The following PIEZO2 variants were observed in gnomAD, a reference collection of about 807,000 sequenced individuals.
PIEZO2 encodes piezo-type mechanosensitive ion channel component 2.
PIEZO2 carries 172 observed loss-of-function variants against 337.3 expected under a neutral mutation model. The observed-to-expected ratio is 0.51, with a 90% CI of 0.45 to 0.58. The LOEUF (loss-of-function observed/expected upper bound fraction) is 0.58. Ranked by LOEUF, PIEZO2 falls within the 20% of genes least tolerant of loss-of-function variation. PIEZO2 has a pLI of 0.00. For missense variants in PIEZO2, 3,028 were observed against 3,391.3 expected (o/e 0.89, Z 2.66); for synonymous variants, 1,251 against 1,228.5 (o/e 1.02, Z -0.38).
At chr18:10,913,550 A>C (rs1011779108) in intron 3 of PIEZO2, among the ~76,000 whole-genome samples, 1 of 152,134 alleles carries the variant, frequency 6.6e-6, no homozygotes, top group Admixed American at 6.5e-5. Flanking sequence ...TAATAGGTTC[A>C]ATTACTTTTC....
At chr18:10,832,820 T>C (rs1047198812) in intron 7 of PIEZO2, among the ~76,000 whole-genome samples, 2 of 152,248 alleles carry the variant, frequency 1.3e-5, no homozygotes, top group East Asian at 3.9e-4. Context: ...ACATTCCGGG[T>C]TCCCAAGTCA....
chr18:11,054,490 CT>C, intron 2 of PIEZO2, among the ~76,000 whole-genome samples: 1 of 152,372 alleles, frequency 6.6e-6, no homozygotes, highest in South Asian at 2.1e-4. Flanking sequence ...CAAATATTTA[CT>C]GAACGAACGC....
chr18:10,785,403 A>G (rs2039182972), intron 16 of PIEZO2, among the ~76,000 whole-genome samples: 1 of 152,196 alleles, frequency 6.6e-6, no homozygotes, highest in Admixed American at 6.5e-5. Context: ...TCCTTACACC[A>G]AGGACTCAAA....
intron 2 of PIEZO2, among the ~76,000 whole-genome samples, chr18:11,050,323 T>C (rs1433435592): frequency 6.6e-6 from 1 of 152,160 alleles, no homozygotes; most frequent in Admixed American, 6.6e-5. Context: ...ATAAGCACTG[T>C]TTTTAACCAA....
Position 10,689,808 on chromosome 18 carries a change from A to C in PIEZO2, c.7350-6T>G, listed in dbSNP as rs1341102218. The C allele has an allele frequency of 6.2e-7, 1 of 1,603,534 alleles. No homozygotes were observed. The highest frequency in any genetic ancestry group is 8.5e-7 in the Non-Finnish European group (1 of 1,174,052). ...AAAAGGGCACGAGGCGAAACCTGGC[A>C]GGAAACACATCTCGTCAGAGAGACA... is the stretch of plus-strand genomic sequence containing the variant. On this transcript the variant is annotated splice_polypyrimidine_tract_variant and splice_region_variant and intron_variant, in intron 48 of 55. Coordinates refer to ENST00000674853, the MANE Select transcript of PIEZO2 (RefSeq NM_001378183.1).
chr18:10,746,694 T>A lies in PIEZO2; in HGVS notation c.4424+1777A>T, dbSNP rs1323130339. On this transcript the variant is annotated intron_variant, in intron 30 of 55. Coordinates refer to ENST00000674853, the MANE Select transcript of PIEZO2 (RefSeq NM_001378183.1). This position sits in a 1 kb window ranked among gnomAD's most constrained non-coding sequence, Gnocchi z 4.2. ...AGAGCCCTCATGAATGGGATTACTA[T>A]CTTTATAAAAGAAGCCCAAGGGGGG... Among the ~76,000 whole-genome samples, 1 of 152,116 alleles carries A rather than the reference T, an allele frequency of 6.6e-6. No homozygotes were observed. The highest frequency in any genetic ancestry group is 1.5e-5 in the Non-Finnish European group (1 of 68,020).
At chr18:10,749,653 T>C (rs1458118513) in intron 29 of PIEZO2, among the ~76,000 whole-genome samples, 1 of 152,136 alleles carries the variant, frequency 6.6e-6, no homozygotes, top group Non-Finnish European at 1.5e-5. Context: ...GAAATCCTCA[T>C]GCTCCTCCCT....
In PIEZO2 at chr18:11,105,550, G is replaced by A. The variant is rs529358828; in HGVS notation, c.65-39328C>T. 1.3e-5 allele frequency among the ~76,000 whole-genome samples: 2 copies of A among 152,040 alleles called. No individual in the cohort carries two copies. Among genetic ancestry groups the A allele is most frequent in the East Asian group, 3.9e-4 (2 of 5,144 alleles). The stretch of plus-strand genomic sequence containing the variant: ...TATGAGCTCAGAAAGCTTTAGGTGT[G>A]GGGTTTTGACGAAATGAACATACTC... On this transcript the variant is annotated intron_variant, in intron 1 of 55. Coordinates refer to ENST00000674853, the MANE Select transcript of PIEZO2 (RefSeq NM_001378183.1). This position sits in a 1 kb window ranked among gnomAD's most constrained non-coding sequence, Gnocchi z 4.3.
Position 11,021,580 on chromosome 18 carries a change from C to T in PIEZO2, c.161-41920G>A, listed in dbSNP as rs567345055. Among the ~76,000 whole-genome samples the T allele has an allele frequency of 2.6e-5, 4 of 152,310 alleles. No individual in the cohort carries two copies. The East Asian group carries it at 7.7e-4, about 29-fold the overall frequency. On this transcript the variant is annotated intron_variant, in intron 2 of 55. Coordinates refer to ENST00000674853, the MANE Select transcript of PIEZO2 (RefSeq NM_001378183.1). This position sits in a 1 kb window ranked among gnomAD's most constrained non-coding sequence, Gnocchi z 4.7. ...GTGAATTCGTGAGGAGGAACACAGT[C>T]ACCATCGTGAATGAAAACCACCAAG...
chr18:11,091,756 G>C (rs1480369539), intron 1 of PIEZO2, among the ~76,000 whole-genome samples: 2 of 152,152 alleles, frequency 1.3e-5, no homozygotes, highest in Non-Finnish European at 2.9e-5. Flanking sequence ...GTTTTTATTG[G>C]AAATATGTTC....
At chr18:10,898,238 G>C (rs2042953533) in intron 4 of PIEZO2, among the ~76,000 whole-genome samples, 1 of 152,126 alleles carries the variant, frequency 6.6e-6, no homozygotes, top group African/African-American at 2.4e-5. Flanking sequence ...TGGCTAACAT[G>C]ATGAAACCCC....
At chr18:10,738,892 A>C (rs1450924538) in intron 33 of PIEZO2, 1 of 152,222 alleles carries the variant, frequency 6.6e-6, no homozygotes, top group Non-Finnish European at 1.5e-5. Context: ...GGAAGTAGGA[A>C]ATCTGTCCCT....
At chr18:10,922,466 G>A (rs1426882972) in intron 3 of PIEZO2, among the ~76,000 whole-genome samples, 2 of 152,248 alleles carry the variant, frequency 1.3e-5, no homozygotes, top group Non-Finnish European at 2.9e-5. Flanking sequence ...GCCCTTTAGT[G>A]CAAGACCCAT....
At chr18:10,715,871 CT>C in intron 37 of PIEZO2, 55 bp from the exon 38 acceptor site, 2 of 1,388,908 alleles carry the variant, frequency 1.4e-6, no homozygotes, top group Admixed American at 2.2e-5. Flanking sequence ...ATTGATTTTA[CT>C]TTTGTGTAGC....
At chr18:10,811,318 C>T (rs970033057) in intron 7 of PIEZO2, among the ~76,000 whole-genome samples, 37 of 152,158 alleles carry the variant, frequency 2.4e-4, no homozygotes, top group African/African-American at 8.9e-4. Context: ...TTTTAGTTTA[C>T]GTGCTTGTTT....
rs749816608 is a variant in PIEZO2 at position 10,952,865 on chromosome 18, C to CCCTT, written c.286+26666_286+26669dup. Among the ~76,000 whole-genome samples the CCCTT allele has an allele frequency of 8.3e-6, 1 of 120,100 alleles. No individual in the cohort carries two copies. The highest frequency in any genetic ancestry group is 2.0e-5 in the Non-Finnish European group (1 of 50,448). 78.8% of individuals were successfully genotyped at this position (120,100 alleles called of 152,430 possible). A position where few individuals can be genotyped will look rare whatever the true frequency, so the allele number is the denominator to read the frequency against. On this transcript the variant is annotated intron_variant, in intron 3 of 55. Transcript: ENST00000674853. This position sits in a 1 kb window ranked among gnomAD's most constrained non-coding sequence, Gnocchi z 4.1. ...ATTTCCTCAGCATTTGGAATGCCTT[C>CCCTT]CCTTCCTTCCTTCCTTCCTTTCATC...
intron 2 of PIEZO2, among the ~76,000 whole-genome samples, chr18:10,992,892 T>C (rs2035162172): frequency 6.6e-6 from 1 of 152,180 alleles, no homozygotes; most frequent in Middle Eastern, 3.2e-3. Context: ...GTTTGTGTCC[T>C]CTCTTATTTC....
Position 11,080,050 on chromosome 18 carries a change from G to A in PIEZO2, c.65-13828C>T, listed in dbSNP as rs113437069. On this transcript the variant is annotated intron_variant, in intron 1 of 55. Transcript: ENST00000674853. The surrounding 1 kb of genome is among the most constrained non-coding windows in gnomAD (Gnocchi z 5.4). ...CAGAAGGATGCACACACTGTCCAGTGTCAAGGAAAAACTGGGAACTAATCC... is the reference window on the plus strand; with the variant it reads ...CAGAAGGATGCACACACTGTCCAGTATCAAGGAAAAACTGGGAACTAATCC... 3.3e-5 allele frequency among the ~76,000 whole-genome samples: 5 copies of A among 152,170 alleles called. No individual in the cohort carries two copies. The highest frequency in any genetic ancestry group is 1.2e-4 in the African/African-American group (5 of 41,438).
intron 2 of PIEZO2, among the ~76,000 whole-genome samples, chr18:11,023,922 G>T (rs1247745457): frequency 1.3e-5 from 2 of 152,226 alleles, no homozygotes; most frequent in South Asian, 4.1e-4. Context: ...GGGCCGGCAG[G>T]ACTGGCCGGC....
Sources: allele counts gnomAD v4.1 joint callset (sites outside exome capture counted in the v4.1 genomes callset), GRCh38; gene constraint gnomAD v4.1.1; non-coding constraint Gnocchi (gnomAD v3.1); transcripts MANE v1.5; gene names NCBI Gene and HGNC (gene_info 2026-07-23, HGNC 2026-07-21).